The following EPB41L1 variants were observed in gnomAD, a reference collection of about 807,000 sequenced individuals.
EPB41L1 encodes band 4.1-like protein 1.
Under a neutral mutation model 97.8 loss-of-function variants are expected in EPB41L1, and 29 were observed. That is an observed-to-expected ratio of 0.30 (90% CI 0.22 to 0.40). The LOEUF is 0.40. Among genes scored for constraint, EPB41L1 ranks in the 10% least tolerant of loss-of-function variants. The probability of loss-of-function intolerance (pLI) is 1.00; values close to 1 mark genes in which losing one functional copy is unlikely to be tolerated. For missense variants in EPB41L1, 812 were observed against 1,162.3 expected (o/e 0.70, Z 4.38); for synonymous variants, 383 against 459.2 (o/e 0.83, Z 2.12).
At chr20:36,226,936 C>A (rs1189486251) in intron 21 of EPB41L1, among the ~76,000 whole-genome samples, 1 of 152,134 alleles carries the variant, frequency 6.6e-6, no homozygotes, top group East Asian at 1.9e-4. Flanking sequence ...AAAACCAAAC[C>A]AAACCAAACC....
intron 20 of EPB41L1, 60 bp from the exon 21 acceptor site, chr20:36,222,218 C>A: frequency 1.4e-6 from 2 of 1,454,226 alleles, no homozygotes; most frequent in Non-Finnish European, 1.9e-6. Flanking sequence ...TGCTGTTCTT[C>A]ACAGTCTCTC....
In EPB41L1 at chr20:36,095,460, C is replaced by T. The variant is rs149783115; in HGVS notation, c.-65+3848C>T. The stretch of plus-strand genomic sequence containing the variant: ...CCCTTCATGTGTTTATCTCTTCACC[C>T]AACACTTTTTATTAAGCTTCTTTAT... On this transcript the variant is annotated intron_variant, in intron 1 of 19. Coordinates refer to the EPB41L1 transcript ENST00000202028. Among the ~76,000 whole-genome samples the T allele has an allele frequency of 1.4e-4, 22 of 152,296 alleles. No homozygotes were observed. In the East Asian group the frequency reaches 4.2e-3, roughly 29 times the overall value.
At chr20:36,154,712 G>A (rs1264829463), upstream of EPB41L1, 11 of 984,344 alleles carry the variant, frequency 1.1e-5, no homozygotes, top group Non-Finnish European at 1.3e-5. This position sits in a 1 kb window ranked among gnomAD's most constrained non-coding sequence, Gnocchi z 5.5. Flanking sequence ...GGCGCACGCC[G>A]AGCCGCCGCC....
At chr20:36,193,687 T>C (rs370894368) in intron 11 of EPB41L1, among the ~76,000 whole-genome samples, 1 of 152,252 alleles carries the variant, frequency 6.6e-6, no homozygotes, top group Admixed American at 6.5e-5. Flanking sequence ...TTTAGGACTT[T>C]AGCTTTCACT....
At chr20:36,213,797 A>G (rs1358827213) in intron 16 of EPB41L1, among the ~76,000 whole-genome samples, 1 of 152,226 alleles carries the variant, frequency 6.6e-6, no homozygotes, top group Admixed American at 6.5e-5. Flanking sequence ...TTCAACACAG[A>G]TACCTACATC....
chr20:36,218,805 C>T, intron 17 of EPB41L1, 71 bp from the exon 18 acceptor site: 1 of 1,406,090 alleles, frequency 7.1e-7, no homozygotes, highest in Non-Finnish European at 1.0e-6. Flanking sequence ...AGCTACATGG[C>T]CACATGCTCC....
At chr20:36,208,062 G>A (rs902815647) in intron 14 of EPB41L1, among the ~76,000 whole-genome samples, 6 of 152,178 alleles carry the variant, frequency 3.9e-5, no homozygotes, top group Non-Finnish European at 8.8e-5. Context: ...CATGGAGAAG[G>A]TGGCGCCACC....
At chr20:36,187,784 T>C in intron 8 of EPB41L1, 21 bp downstream of exon 8, 1 of 1,608,246 alleles carries the variant, frequency 6.2e-7, no homozygotes, top group Non-Finnish European at 8.5e-7. Context: ...CTTCCTGGGT[T>C]CCCCTAGTGT....
intron 2 of EPB41L1, among the ~76,000 whole-genome samples, chr20:36,143,116 G>C (rs534287127): frequency 1.5e-4 from 23 of 150,054 alleles, no homozygotes; most frequent in Middle Eastern, 6.8e-3. Context: ...TGTGGTTGTG[G>C]CTATGTGAGG....
At position 36,209,463 on chromosome 20, in the gene EPB41L1, T is replaced by G; in HGVS notation, c.1669-25T>G. On this transcript the variant is annotated intron_variant, in intron 14 of 21. Coordinates refer to ENST00000338074, the MANE Select transcript of EPB41L1 (RefSeq NM_012156.2). The surrounding 1 kb of genome is among the most constrained non-coding windows in gnomAD (Gnocchi z 4.2). Reference sequence around the variant, plus strand: ...TCTCTCTCCCCACCCCACATCCCCATTCTTTTGATTTTATCTGGCCATAGA... The same window carrying G: ...TCTCTCTCCCCACCCCACATCCCCAGTCTTTTGATTTTATCTGGCCATAGA... 6.2e-7 allele frequency: 1 copy of G among 1,610,402 alleles called. No individual in the cohort carries two copies. Among genetic ancestry groups the G allele is most frequent in the Non-Finnish European group, 8.5e-7 (1 of 1,177,370 alleles).
At chr20:36,219,656 C>T (rs2063656220) in intron 18 of EPB41L1, 105 bp from the exon 19 acceptor site, 6 of 922,758 alleles carry the variant, frequency 6.5e-6, no homozygotes, top group South Asian at 3.9e-5. Flanking sequence ...ATCTTGGCTT[C>T]GAAACGTCAC....
chr20:36,146,587 C>G (rs2059841069), intron 2 of EPB41L1, among the ~76,000 whole-genome samples: 1 of 152,176 alleles, frequency 6.6e-6, no homozygotes, highest in African/African-American at 2.4e-5. Flanking sequence ...TGCGGATTAA[C>G]CAGTGATGCA....
intron 6 of EPB41L1, among the ~76,000 whole-genome samples, chr20:36,184,401 T>C (rs1246187391): frequency 6.6e-6 from 1 of 152,152 alleles, no homozygotes; most frequent in Non-Finnish European, 1.5e-5. Context: ...TGTAAAATCG[T>C]CCAACTGTGC....
chr20:36,173,995 C>T, intron 2 of EPB41L1, 41 bp downstream of exon 2: 1 of 1,583,192 alleles, frequency 6.3e-7, no homozygotes, highest in South Asian at 1.1e-5. Context: ...CCTGCCCAGA[C>T]CGTCCTCCAG....
chr20:36,184,440 T>C (rs2061601258), intron 6 of EPB41L1, among the ~76,000 whole-genome samples: 1 of 152,156 alleles, frequency 6.6e-6, no homozygotes, highest in South Asian at 2.1e-4. Flanking sequence ...CATGGCCTGG[T>C]AGTTGGAAAT....
chr20:36,207,240 A>T lies in EPB41L1; in HGVS notation c.1669-2248A>T. The T allele has an allele frequency of 7.8e-7, 1 of 1,279,854 alleles. No homozygotes were observed. The highest frequency in any genetic ancestry group is 1.0e-6 in the Non-Finnish European group (1 of 982,648). 79.3% of individuals were successfully genotyped at this position (1,279,854 alleles called of 1,614,324 possible). A position where few individuals can be genotyped will look rare whatever the true frequency, so the allele number is the denominator to read the frequency against. On this transcript the variant is annotated intron_variant, in intron 14 of 21. Coordinates refer to ENST00000338074, the MANE Select transcript of EPB41L1 (RefSeq NM_012156.2). The surrounding 1 kb of genome is among the most constrained non-coding windows in gnomAD (Gnocchi z 4.9). ...AAGCCAGCCCAGAGCCCAAGGACCA[A>T]GTAGGGTTTGTGGTGTCCCCTGCCA... is the stretch of plus-strand genomic sequence containing the variant.
intron 2 of EPB41L1, among the ~76,000 whole-genome samples, chr20:36,138,150 A>G (rs2059490606): frequency 1.3e-5 from 2 of 152,038 alleles, no homozygotes; most frequent in South Asian, 2.1e-4. Flanking sequence ...CCTCTTGGCT[A>G]TGTGAATAAT....
At chr20:36,144,606 G>A (rs941161851) in intron 2 of EPB41L1, among the ~76,000 whole-genome samples, 1 of 152,170 alleles carries the variant, frequency 6.6e-6, no homozygotes, top group Non-Finnish European at 1.5e-5. Flanking sequence ...CCTCTGCCTT[G>A]TGGGAAAGGA....
chr20:36,125,714 A>T (rs918917039), intron 2 of EPB41L1, among the ~76,000 whole-genome samples: 2 of 152,134 alleles, frequency 1.3e-5, no homozygotes, highest in African/African-American at 4.8e-5. Flanking sequence ...AGGAGCTGGC[A>T]CTTTATCTGG....
Sources: allele counts gnomAD v4.1 joint callset (sites outside exome capture counted in the v4.1 genomes callset), GRCh38; gene constraint gnomAD v4.1.1; non-coding constraint Gnocchi (gnomAD v3.1); transcripts MANE v1.5; gene names NCBI Gene and HGNC (gene_info 2026-07-23, HGNC 2026-07-21).